PGM2: variants seen among roughly 807,000 people sequenced by gnomAD.
PGM2 encodes the protein phosphopentomutase.
A neutral mutation model predicts 74.6 loss-of-function variants in PGM2; 57 were observed. That is an observed-to-expected ratio of 0.76 (90% confidence interval 0.62 to 0.95). The LOEUF is 0.95. Among genes scored for constraint, PGM2 ranks in the 40% least tolerant of loss-of-function variants. The pLI, the probability that PGM2 is intolerant of heterozygous loss-of-function variation, is 0.00. For synonymous variants in PGM2, 273 were observed against 260.7 expected (o/e 1.05, Z -0.46); for missense variants, 706 against 741.9 (o/e 0.95, Z 0.56).
At chr4:37,841,358 G>A (rs1215017413) in intron 6 of PGM2, among the ~76,000 whole-genome samples, 2 of 152,012 alleles carry the variant, frequency 1.3e-5, no homozygotes, top group Non-Finnish European at 2.9e-5. Context: ...CAGAGTGACA[G>A]TAGTGTCTGC....
intron 6 of PGM2, among the ~76,000 whole-genome samples, chr4:37,841,100 A>ATATATATATATATATATGTG (rs1202149456): frequency 1.7e-4 from 20 of 115,744 alleles, no homozygotes; most frequent in Admixed American, 9.6e-4. Flanking sequence ...ATATATATAT[A>ATATATATATATATATATGTG]TGTGTGTGTG....
At chr4:37,841,840 GCGTGCATGCA>G (rs1332376490) in intron 6 of PGM2, among the ~76,000 whole-genome samples, 1 of 152,200 alleles carries the variant, frequency 6.6e-6, no homozygotes, top group African/African-American at 2.4e-5. Context: ...GTGTGTGCGC[GCGTGCATGCA>G]CGTGCATGTG....
chr4:37,859,957 A>G (rs980197956), intron 13 of PGM2, among the ~76,000 whole-genome samples: 4 of 152,190 alleles, frequency 2.6e-5, no homozygotes, highest in African/African-American at 9.6e-5. Context: ...TAACAAATGG[A>G]ACAGTTATCG....
At chr4:37,849,191 ATG>A (rs1302593810) in intron 11 of PGM2, among the ~76,000 whole-genome samples, 1 of 152,160 alleles carries the variant, frequency 6.6e-6, no homozygotes, top group Non-Finnish European at 1.5e-5. Flanking sequence ...ACATGAAAGA[ATG>A]TGATTTTAAG....
chr4:37,860,977 C>G (rs1560423431), intron 13 of PGM2, among the ~76,000 whole-genome samples: 1 of 152,082 alleles, frequency 6.6e-6, no homozygotes, highest in South Asian at 2.1e-4. Context: ...GTGTTTGACT[C>G]CTCAAACCCA....
At chr4:37,851,136 ATC>A (rs1282571470) in intron 12 of PGM2, among the ~76,000 whole-genome samples, 1 of 152,160 alleles carries the variant, frequency 6.6e-6, no homozygotes, top group Non-Finnish European at 1.5e-5. Flanking sequence ...TGGGTTTTCT[ATC>A]TCAGGATCCA....
intron 7 of PGM2, 73 bp from the exon 8 acceptor site, chr4:37,845,560 C>T (rs887085040): frequency 3.6e-5 from 37 of 1,025,234 alleles, no homozygotes; most frequent in Non-Finnish European, 5.1e-5. Context: ...TCTTAAGGAA[C>T]TGAATGTTTT....
At chr4:37,830,360 T>G (rs1381913151) in intron 2 of PGM2, among the ~76,000 whole-genome samples, 1 of 152,220 alleles carries the variant, frequency 6.6e-6, no homozygotes, top group Non-Finnish European at 1.5e-5. Context: ...ACACACTTAT[T>G]GAGTACATAC....
At chr4:37,840,351 C>T (rs2152176727) in intron 6 of PGM2, 92 bp downstream of exon 6, 1 of 735,860 alleles carries the variant, frequency 1.4e-6, no homozygotes, top group Non-Finnish European at 2.4e-6. Context: ...CTTTAATTTG[C>T]TCATGTACTA....
intron 6 of PGM2, among the ~76,000 whole-genome samples, chr4:37,840,947 AGT>A (rs201822410): frequency 2.6e-4 from 20 of 75,824 alleles, no homozygotes; most frequent in East Asian, 1.9e-3. Context: ...CATACATGTA[AGT>A]GTGTGTGTGT....
chr4:37,839,262 G>C (rs2714558), intron 4 of PGM2, among the ~76,000 whole-genome samples: 50,669 of 151,506 alleles, frequency 0.33, 11,183 homozygotes, highest in African/African-American at 0.63. Flanking sequence ...GAGATTACAG[G>C]CGCCCATGCC....
Position 37,844,368 on chromosome 4 carries a change from G to T in PGM2, c.724G>T (p.Val242Leu). Reference sequence around the variant, plus strand: ...CCACTGTGTATCTGATTCTAGGAGCGTGAACAGGGAGACAAAGGTGAAGTT... The same window carrying T: ...CCACTGTGTATCTGATTCTAGGAGCTTGAACAGGGAGACAAAGGTGAAGTT... The part of the protein sequence containing the change: ...DLKKYCFHRS[V>L]NRETKVKFVH... The change falls in exon 7 of 14, where the codon GTG (valine) becomes TTG (leucine). Residue 242 changes from valine (V) to leucine (L), a missense_variant. Around this residue, in one of 3 missense-constraint regions of PGM2, gnomAD observed 332 missense variants for 334.9 expected, o/e 0.99. Transcript: ENST00000381967. 1 of 1,602,700 alleles carries T rather than the reference G, an allele frequency of 6.2e-7. No individual in the cohort carries two copies. The highest frequency in any genetic ancestry group is 1.3e-5 in the African/African-American group (1 of 74,626).
At chr4:37,855,294 G>A (rs1216296165) in intron 12 of PGM2, among the ~76,000 whole-genome samples, 2 of 151,972 alleles carry the variant, frequency 1.3e-5, no homozygotes, top group Non-Finnish European at 2.9e-5. Flanking sequence ...GAGATCATGC[G>A]GTATTTGTCT....
intron 7 of PGM2, among the ~76,000 whole-genome samples, 194 bp downstream of exon 7, chr4:37,844,747 C>A (rs1725820868): frequency 6.6e-6 from 1 of 152,096 alleles, no homozygotes; most frequent in South Asian, 2.1e-4. Context: ...GCAGGCAGAT[C>A]ACTTGAGGTC....
At chr4:37,845,540 C>A in intron 7 of PGM2, 93 bp from the exon 8 acceptor site, 1 of 833,588 alleles carries the variant, frequency 1.2e-6, no homozygotes, top group South Asian at 1.4e-5. Context: ...AGGGGAAAGA[C>A]CTCTTGAGTT....
chr4:37,854,968 A>G (rs1480414767), intron 12 of PGM2, among the ~76,000 whole-genome samples: 1 of 152,374 alleles, frequency 6.6e-6, no homozygotes, highest in African/African-American at 2.4e-5. Context: ...TAAAATGTAT[A>G]CATTGTGATA....
rs771414787 is a variant in PGM2 at position 37,855,656 on chromosome 4, A to G, written c.1651A>G (p.Asn551Asp). 1 of 1,613,882 alleles carries G rather than the reference A, an allele frequency of 6.2e-7. No homozygotes were observed. Among genetic ancestry groups the G allele is most frequent in the Non-Finnish European group, 8.5e-7 (1 of 1,179,770 alleles). The part of the protein sequence containing the change: ...SSQMITFTFA[N>D]GGVATMRTSG... ...CCAAATGATCACCTTCACCTTTGCTAATGGAGGCGTGGCCACCATGCGCAC... is the reference window on the plus strand; with the variant it reads ...CCAAATGATCACCTTCACCTTTGCTGATGGAGGCGTGGCCACCATGCGCAC... The change falls in exon 13 of 14, where the codon AAT becomes GAT. Residue 551 changes from asparagine (N) to aspartate (D), a missense_variant. Transcript: ENST00000381967.
chr4:37,842,843 T>TG (rs1725767824), intron 6 of PGM2, among the ~76,000 whole-genome samples: 1 of 152,014 alleles, frequency 6.6e-6, no homozygotes, highest in Admixed American at 6.6e-5. Flanking sequence ...TGTATTTTTT[T>TG]GTAGAGATAG....
chr4:37,854,389 T>TA (rs71190925), intron 12 of PGM2, among the ~76,000 whole-genome samples: 1,958 of 152,230 alleles, frequency 0.013, 19 homozygotes, highest in Non-Finnish European at 0.021. Flanking sequence ...TTCACTCTGT[T>TA]ACCCAGGCTG....
Sources: allele counts gnomAD v4.1 joint callset (sites outside exome capture counted in the v4.1 genomes callset), GRCh38; gene constraint gnomAD v4.1.1; regional missense constraint gnomAD v4.1.1; transcripts MANE v1.5; gene names NCBI Gene and HGNC (gene_info 2026-07-23, HGNC 2026-07-21).